Variants in RSPO2 observed in about 807,000 individuals in gnomAD.
The protein encoded by RSPO2 is R-spondin 2.
RSPO2 carries 14 observed loss-of-function variants against 30.9 expected under a neutral mutation model. The observed-to-expected ratio is 0.45, with a 90% confidence interval of 0.30 to 0.71. The LOEUF is 0.71. Among genes scored for constraint, RSPO2 ranks in the 30% least tolerant of loss-of-function variants. The pLI is 0.08. For missense variants in RSPO2, 264 were observed against 301.9 expected (o/e 0.87, Z 0.93); for synonymous variants, 107 against 96.4 (o/e 1.11, Z -0.64).
intron 2 of RSPO2, among the ~76,000 whole-genome samples, chr8:107,996,073 T>C (rs1338683945): frequency 6.6e-6 from 1 of 151,986 alleles, no homozygotes; most frequent in Non-Finnish European, 1.5e-5. Flanking sequence ...TTCAAAAAAA[T>C]TAGGATATCG....
chr8:108,037,769 CT>C (rs1416189189), intron 2 of RSPO2, among the ~76,000 whole-genome samples: 2 of 152,140 alleles, frequency 1.3e-5, no homozygotes, highest in African/African-American at 2.4e-5. Context: ...ATTATACTAG[CT>C]CTACTCTGCC....
In RSPO2 at chr8:107,936,782, T is replaced by C. The variant is rs193157471; in HGVS notation, c.616+21298A>G. Among the ~76,000 whole-genome samples, 223 of 152,334 alleles carry C rather than the reference T, an allele frequency of 1.5e-3. 1 individual carries two copies. The highest frequency in any genetic ancestry group is 5.2e-3 in the African/African-American group (215 of 41,588). Reference sequence around the variant, plus strand: ...TGAGTAATGTTGGTATTTTTTCATATACCTGTTGGGCATTTCTCTGTCATC... The same window carrying C: ...TGAGTAATGTTGGTATTTTTTCATACACCTGTTGGGCATTTCTCTGTCATC... On this transcript the variant is annotated intron_variant, in intron 5 of 5. Coordinates refer to ENST00000276659, the MANE Select transcript of RSPO2 (RefSeq NM_178565.5).
intron 5 of RSPO2, among the ~76,000 whole-genome samples, chr8:107,931,890 T>C (rs574947667): frequency 2.0e-5 from 3 of 152,166 alleles, no homozygotes; most frequent in Non-Finnish European, 4.4e-5. Flanking sequence ...ATATTATACA[T>C]TGGCATGTGC....
intron 2 of RSPO2, among the ~76,000 whole-genome samples, chr8:108,049,316 T>A (rs1267491324): frequency 6.6e-6 from 1 of 152,094 alleles, no homozygotes; most frequent in African/African-American, 2.4e-5. Context: ...CTACCTGGAA[T>A]CTTAGCTTTC....
chr8:108,004,440 T>C lies in RSPO2; in HGVS notation c.95-15196A>G, dbSNP rs143482647. Reference sequence around the variant, plus strand: ...TGAAGTAACACAGCAAGCATACCTATGTAATTAGAAAGCCTGAGTATACCA... The same window carrying C: ...TGAAGTAACACAGCAAGCATACCTACGTAATTAGAAAGCCTGAGTATACCA... On this transcript the variant is annotated intron_variant, in intron 2 of 5. Transcript: ENST00000276659. 2.8e-4 allele frequency among the ~76,000 whole-genome samples: 42 copies of C among 152,296 alleles called. No homozygotes were observed. In the East Asian group the frequency reaches 7.5e-3, roughly 27 times the overall value.
chr8:107,902,638 C>G (rs1811515586), intron 5 of RSPO2, among the ~76,000 whole-genome samples: 1 of 152,024 alleles, frequency 6.6e-6, no homozygotes, highest in Non-Finnish European at 1.5e-5. Context: ...TATTTCTGTT[C>G]TTTCTGATCA....
In RSPO2 at chr8:107,937,785, G is replaced by A. The variant is rs149860794; in HGVS notation, c.616+20295C>T. ...ATCTAAATTTGCAATTCTACATTAC[G>A]GCTTTTCTGTAAAGTTACTCTCACC... On this transcript the variant is annotated intron_variant, in intron 5 of 5. Transcript: ENST00000276659. 8.4e-3 allele frequency among the ~76,000 whole-genome samples: 1,271 copies of A among 152,016 alleles called. 10 individuals are homozygous for A. Among genetic ancestry groups the A allele is most frequent in the Non-Finnish European group, 0.014 (943 of 67,950 alleles).
At chr8:107,922,521 A>T (rs1812207127) in intron 5 of RSPO2, among the ~76,000 whole-genome samples, 1 of 152,224 alleles carries the variant, frequency 6.6e-6, no homozygotes, top group South Asian at 2.1e-4. Context: ...CATACTGTCC[A>T]AATCAGTTTA....
intron 2 of RSPO2, among the ~76,000 whole-genome samples, chr8:108,035,445 G>GT (rs150646928): frequency 5.3e-5 from 8 of 151,286 alleles, no homozygotes; most frequent in South Asian, 2.1e-4. Context: ...TTTTTGTTTT[G>GT]TTTTTTTGTT....
chr8:107,930,045 A>G (rs938641190), intron 5 of RSPO2, among the ~76,000 whole-genome samples: 1 of 152,190 alleles, frequency 6.6e-6, no homozygotes, highest in African/African-American at 2.4e-5. Flanking sequence ...AGATCATTTT[A>G]TCTATATTCC....
At chr8:107,972,488 C>G (rs77698371) in intron 3 of RSPO2, among the ~76,000 whole-genome samples, 1 of 152,014 alleles carries the variant, frequency 6.6e-6, no homozygotes, top group Non-Finnish European at 1.5e-5. Context: ...CTGTAACAAA[C>G]AAAAATACTT....
intron 2 of RSPO2, among the ~76,000 whole-genome samples, chr8:108,004,707 G>A (rs1815392458): frequency 6.6e-6 from 1 of 152,162 alleles, no homozygotes; most frequent in African/African-American, 2.4e-5. Flanking sequence ...ATATAGACAT[G>A]TAGGTTTATA....
chr8:108,043,228 G>A (rs76976804), intron 2 of RSPO2, among the ~76,000 whole-genome samples: 8,902 of 152,056 alleles, frequency 0.059, 759 homozygotes, highest in African/African-American at 0.19. Context: ...AATTTGTAGC[G>A]GGAAGTTTGT....
intron 5 of RSPO2, among the ~76,000 whole-genome samples, chr8:107,901,551 G>A (rs763624823): frequency 6.6e-5 from 10 of 152,106 alleles, no homozygotes; most frequent in South Asian, 4.2e-4. Context: ...ACTGCTCCAC[G>A]TGTCAGTGGG....
intron 3 of RSPO2, among the ~76,000 whole-genome samples, chr8:107,981,583 T>C (rs1016934903): frequency 1.3e-5 from 2 of 152,182 alleles, no homozygotes; most frequent in African/African-American, 2.4e-5. Flanking sequence ...CTTGATGACA[T>C]GTAGTAATTC....
intron 2 of RSPO2, among the ~76,000 whole-genome samples, chr8:108,068,975 T>C (rs1004377635): frequency 6.6e-6 from 1 of 152,228 alleles, no homozygotes; most frequent in African/African-American, 2.4e-5. Context: ...TGTATAATAA[T>C]GTGTGCTGCC....
At chr8:108,065,672 A>C (rs1002541680) in intron 2 of RSPO2, among the ~76,000 whole-genome samples, 15 of 152,130 alleles carry the variant, frequency 9.9e-5, no homozygotes, top group Non-Finnish European at 1.9e-4. Context: ...AAAAAAAAAA[A>C]AAAAACTTTA....
intron 2 of RSPO2, among the ~76,000 whole-genome samples, chr8:108,006,407 T>TA (rs1375041186): frequency 2.0e-5 from 3 of 152,116 alleles, no homozygotes; most frequent in South Asian, 2.1e-4. Context: ...TAAGCTCACT[T>TA]ACTAAGTTAT....
intron 3 of RSPO2, among the ~76,000 whole-genome samples, chr8:107,978,412 A>G (rs1239232016): frequency 3.9e-5 from 6 of 152,146 alleles, no homozygotes; most frequent in African/African-American, 7.2e-5. Flanking sequence ...GGGCAACAAA[A>G]AAAGAAGAAA....
Sources: allele counts gnomAD v4.1 joint callset (sites outside exome capture counted in the v4.1 genomes callset), GRCh38; gene constraint gnomAD v4.1.1; transcripts MANE v1.5; gene names NCBI Gene and HGNC (gene_info 2026-07-23, HGNC 2026-07-21).